The following DESI2 variants were observed in gnomAD, a reference collection of about 807,000 sequenced individuals.
DESI2 encodes deubiquitinase DESI2.
In DESI2, 10 loss-of-function variants were observed where a neutral mutation model predicts 24.1. The observed-to-expected ratio is 0.41, with a 90% CI of 0.26 to 0.70. DESI2 has a LOEUF of 0.70. Ranked by LOEUF, DESI2 falls within the 30% of genes least tolerant of loss-of-function variation. The probability of loss-of-function intolerance (pLI) is 0.29; values close to 1 mark genes in which losing one functional copy is unlikely to be tolerated. For synonymous variants in DESI2, 71 were observed against 87.7 expected, an observed-to-expected ratio of 0.81 and a Z score of 1.06; for missense variants, 122 against 234.9, an observed-to-expected ratio of 0.52 and a Z score of 3.14.
intron 3 of DESI2, 106 bp from the exon 4 acceptor site, chr1:244,691,773 A>T (rs1677038317): frequency 1.1e-6 from 1 of 878,418 alleles, no homozygotes; most frequent in Non-Finnish European, 1.7e-6. Flanking sequence ...TATGTCGATC[A>T]TAATATTCCT....
At chr1:244,663,216 C>T (rs1215394548) in intron 1 of DESI2, among the ~76,000 whole-genome samples, 2 of 151,622 alleles carry the variant, frequency 1.3e-5, no homozygotes, top group African/African-American at 2.4e-5. Context: ...CATGGAGTCT[C>T]GCTCTGTCGC....
At chr1:244,671,364 T>G (rs529484367) in intron 1 of DESI2, among the ~76,000 whole-genome samples, 1 of 152,320 alleles carries the variant, frequency 6.6e-6, no homozygotes, top group African/African-American at 2.4e-5. Context: ...AGCACCACTT[T>G]TGTGTGCTAA....
At chr1:244,705,416 G>A (rs1357065939) in intron 4 of DESI2, 140 bp from the exon 5 acceptor site, 1 of 644,944 alleles carries the variant, frequency 1.6e-6, no homozygotes. Context: ...GTTATCAAAA[G>A]CCTGGAGTGA....
Position 244,695,026 on chromosome 1 carries a change from G to T in DESI2, c.351+3006G>T, listed in dbSNP as rs539209154. ...GGCAGGCTCCATTCCAATGTGGTCA[G>T]TGTCTCAACTGTGAGTGTCATAGGG... On this transcript the variant is annotated intron_variant, in intron 4 of 4. Transcript: ENST00000302550. Among the ~76,000 whole-genome samples the T allele has an allele frequency of 2.0e-5, 3 of 152,360 alleles. No individual in the cohort carries two copies. The South Asian group carries it at 6.2e-4, about 32-fold the overall frequency.
chr1:244,674,685 A>G (rs184390396), intron 1 of DESI2, among the ~76,000 whole-genome samples: 138 of 152,340 alleles, frequency 9.1e-4, no homozygotes, highest in African/African-American at 3.2e-3. Context: ...GCATGCATCA[A>G]ATACCTCATT....
At chr1:244,704,155 T>G (rs185878337) in intron 4 of DESI2, among the ~76,000 whole-genome samples, 1 of 152,350 alleles carries the variant, frequency 6.6e-6, no homozygotes, top group African/African-American at 2.4e-5. Flanking sequence ...GGAGAAAAGG[T>G]ACACGTTGTA....
intron 1 of DESI2, among the ~76,000 whole-genome samples, chr1:244,661,963 T>G (rs1355139946): frequency 1.3e-5 from 2 of 152,212 alleles, no homozygotes; most frequent in Non-Finnish European, 2.9e-5. Context: ...TTTCTAGTTC[T>G]AGATCCCTGA....
At chr1:244,663,595 A>G (rs2148784830) in intron 1 of DESI2, among the ~76,000 whole-genome samples, 1 of 152,380 alleles carries the variant, frequency 6.6e-6, no homozygotes, top group Admixed American at 6.5e-5. Flanking sequence ...TGAATAATAA[A>G]GTAGAGCATT....
In DESI2 at chr1:244,708,983, T is replaced by G. The variant is rs1277064343; in HGVS notation, c.*3194T>G. 6.6e-6 allele frequency: 1 copy of G among 152,550 alleles called. No individual in the cohort carries two copies. The highest frequency in any genetic ancestry group is 1.5e-5 in the Non-Finnish European group (1 of 68,042). The allele number at this position is 152,550 out of a possible 1,614,324, so 9.4% of individuals were successfully genotyped here. On this transcript the variant is annotated 3_prime_UTR_variant, in exon 5 of 5. Coordinates refer to ENST00000302550, the MANE Select transcript of DESI2 (RefSeq NM_016076.5). ...ACCTTGATATAGCATTGGGCTATCATGTTACAACATTGAAATACATTGATT... is the reference window on the plus strand; with the variant it reads ...ACCTTGATATAGCATTGGGCTATCAGGTTACAACATTGAAATACATTGATT...
chr1:244,699,453 G>A (rs112579002), intron 4 of DESI2, among the ~76,000 whole-genome samples: 2,824 of 151,440 alleles, frequency 0.019, 41 homozygotes, highest in Non-Finnish European at 0.023. Context: ...ATGGTGGCGC[G>A]GACCTGTAGT....
chr1:244,705,801 G>A lies in DESI2; in HGVS notation c.*12G>A. 1 of 1,586,444 alleles carries A rather than the reference G, an allele frequency of 6.3e-7. No homozygotes were observed. Among genetic ancestry groups the A allele is most frequent in the Non-Finnish European group, 8.6e-7 (1 of 1,163,174 alleles). Reference sequence around the variant, plus strand: ...ACACTAAACTATAAATGTCTCCAAAGTCACACATTCAGAACTGTCTCTGGC... The same window carrying A: ...ACACTAAACTATAAATGTCTCCAAAATCACACATTCAGAACTGTCTCTGGC... On this transcript the variant is annotated 3_prime_UTR_variant, in exon 5 of 5. Transcript: ENST00000302550.
At chr1:244,673,702 T>A (rs942039297) in intron 1 of DESI2, among the ~76,000 whole-genome samples, 1 of 152,172 alleles carries the variant, frequency 6.6e-6, no homozygotes, top group Non-Finnish European at 1.5e-5. Context: ...CCATAACTTA[T>A]ATATTTCACT....
intron 1 of DESI2, among the ~76,000 whole-genome samples, chr1:244,660,864 A>G (rs1019325379): frequency 3.3e-5 from 5 of 152,152 alleles, no homozygotes; most frequent in Admixed American, 6.5e-5. Flanking sequence ...CCTTATTACC[A>G]CACTGTTTTA....
intron 1 of DESI2, among the ~76,000 whole-genome samples, chr1:244,671,515 T>C (rs1241252395): frequency 6.6e-6 from 1 of 152,180 alleles, no homozygotes; most frequent in African/African-American, 2.4e-5. Flanking sequence ...AACCAAGCTC[T>C]AGAAATAAAA....
intron 1 of DESI2, among the ~76,000 whole-genome samples, chr1:244,662,371 T>G (rs1486545078): frequency 6.6e-6 from 1 of 152,216 alleles, no homozygotes; most frequent in East Asian, 1.9e-4. Flanking sequence ...AAAATGTCTA[T>G]TCAAGTCCTG....
chr1:244,701,633 C>A (rs563311233), intron 4 of DESI2, among the ~76,000 whole-genome samples: 3 of 152,140 alleles, frequency 2.0e-5, no homozygotes, highest in Non-Finnish European at 4.4e-5. Flanking sequence ...CTAGTAACTC[C>A]TTTCTTCCTT....
intron 1 of DESI2, among the ~76,000 whole-genome samples, chr1:244,662,435 C>T (rs939138255): frequency 6.6e-6 from 1 of 152,096 alleles, no homozygotes; most frequent in African/African-American, 2.4e-5. Context: ...TTTAATTGGG[C>T]TTGCACTAAA....
At chr1:244,697,020 A>AT (rs1192637187) in intron 4 of DESI2, among the ~76,000 whole-genome samples, 3 of 152,188 alleles carry the variant, frequency 2.0e-5, no homozygotes, top group Non-Finnish European at 4.4e-5. Flanking sequence ...ACCTGACTCT[A>AT]TTAGGAGAGG....
intron 1 of DESI2, among the ~76,000 whole-genome samples, chr1:244,678,640 T>A (rs1487161864): frequency 1.3e-5 from 2 of 152,226 alleles, no homozygotes; most frequent in Admixed American, 6.5e-5. Context: ...GAAGAGATTG[T>A]TAAAATTAAG....
Sources: allele counts gnomAD v4.1 joint callset (sites outside exome capture counted in the v4.1 genomes callset), GRCh38; gene constraint gnomAD v4.1.1; transcripts MANE v1.5; gene names NCBI Gene and HGNC (gene_info 2026-07-23, HGNC 2026-07-21).